Variants in SNX4 observed in about 807,000 individuals in gnomAD.
SNX4 encodes the protein sorting nexin 4.
In SNX4, 49 loss-of-function variants were observed where a neutral mutation model predicts 70.8. The ratio of observed to expected loss-of-function variants is 0.69; its 90% confidence interval spans 0.55 to 0.88. SNX4 has a LOEUF of 0.88. SNX4 is among the 40% of genes least tolerant of loss of function. The pLI is 0.00. For missense variants in SNX4, 528 were observed against 544.8 expected (o/e 0.97, Z 0.31); for synonymous variants, 206 against 183.8 (o/e 1.12, Z -0.98).
At chr3:125,459,134 A>G (rs1367815181) in intron 10 of SNX4, among the ~76,000 whole-genome samples, 1 of 152,194 alleles carries the variant, frequency 6.6e-6, no homozygotes, top group Non-Finnish European at 1.5e-5. Context: ...AGATTGTGCC[A>G]CTGTACTCCA....
intron 2 of SNX4, among the ~76,000 whole-genome samples, chr3:125,503,714 A>C (rs1934980587): frequency 6.6e-6 from 1 of 152,166 alleles, no homozygotes; most frequent in Non-Finnish European, 1.5e-5. Flanking sequence ...ATTCTTTTAC[A>C]GAATTGCACA....
intron 1 of SNX4, among the ~76,000 whole-genome samples, chr3:125,512,303 T>C (rs1054874268): frequency 6.6e-6 from 1 of 152,218 alleles, no homozygotes; most frequent in Non-Finnish European, 1.5e-5. Flanking sequence ...TGAAAGCACA[T>C]TCTGATAAAG....
chr3:125,516,528 C>T (rs78492240), intron 1 of SNX4, among the ~76,000 whole-genome samples: 3,819 of 152,252 alleles, frequency 0.025, 161 homozygotes, highest in African/African-American at 0.087. Context: ...ATTACTCTCC[C>T]TCTTAAAATC....
At chr3:125,454,207 G>A (rs1933651611) in intron 11 of SNX4, among the ~76,000 whole-genome samples, 1 of 152,172 alleles carries the variant, frequency 6.6e-6, no homozygotes, top group Admixed American at 6.5e-5. Flanking sequence ...TTTAAAGCAG[G>A]GGGTCCCCAA....
At chr3:125,482,706 TCA>T (rs1421555957) in intron 6 of SNX4, among the ~76,000 whole-genome samples, 2 of 152,110 alleles carry the variant, frequency 1.3e-5, no homozygotes, top group Non-Finnish European at 2.9e-5. Flanking sequence ...AAAAAACTTT[TCA>T]CAGTCCCCAA....
chr3:125,501,127 G>A (rs770608746), intron 2 of SNX4, among the ~76,000 whole-genome samples: 19 of 152,066 alleles, frequency 1.2e-4, no homozygotes, highest in Non-Finnish European at 2.4e-4. Context: ...TGATGATTGC[G>A]GTTGATGAAG....
chr3:125,452,997 A>G (rs1933616481), intron 12 of SNX4, among the ~76,000 whole-genome samples: 1 of 152,212 alleles, frequency 6.6e-6, no homozygotes, highest in South Asian at 2.1e-4. Flanking sequence ...CTCAAAACCC[A>G]AAATACACTC....
At chr3:125,501,510 C>T (rs950761467) in intron 2 of SNX4, among the ~76,000 whole-genome samples, 5 of 151,838 alleles carry the variant, frequency 3.3e-5, no homozygotes, top group African/African-American at 1.2e-4. Context: ...ATCCCAGCTA[C>T]TTGGGAAGCT....
At chr3:125,512,966 G>A (rs1385014641) in intron 1 of SNX4, among the ~76,000 whole-genome samples, 2 of 152,100 alleles carry the variant, frequency 1.3e-5, no homozygotes, top group East Asian at 3.9e-4. Context: ...ATGGGGTTTC[G>A]CCATGATGGC....
intron 4 of SNX4, 121 bp downstream of exon 4, chr3:125,497,713 A>G (rs1934827716): frequency 1.4e-6 from 1 of 700,748 alleles, no homozygotes; most frequent in East Asian, 2.9e-5. Flanking sequence ...TTAGAAATTC[A>G]TAACAAAAAA....
In SNX4 at chr3:125,453,905, T is replaced by C; in HGVS notation, c.1095A>G (p.Gln365=). The change falls in exon 12 of 14, where the codon CAA becomes CAG. Residue 365 remains glutamine (Q), a synonymous_variant. Coordinates refer to ENST00000251775, the MANE Select transcript of SNX4 (RefSeq NM_003794.4). The part of the protein sequence containing the change: ...LKGMTTKLFG[Q]ETPEQREARI... ...TGGCTTCTCTCTGCTCTGGAGTTTC[T>C]TGACCAAAGAGCTTGGTAGTCATTC... 2 of 1,614,078 alleles carry C rather than the reference T, an allele frequency of 1.2e-6. No individual in the cohort carries two copies. The highest frequency in any genetic ancestry group is 1.7e-6 in the Non-Finnish European group (2 of 1,179,970).
chr3:125,476,719 T>A lies in SNX4; in HGVS notation c.764A>T (p.His255Leu). The change falls in exon 8 of 14, where the codon CAT becomes CTT. Residue 255 changes from histidine to leucine, a missense_variant. This residue lies in a region of SNX4 where 341 missense variants were observed against 312.2 expected (regional missense o/e 1.09). Coordinates refer to ENST00000251775, the MANE Select transcript of SNX4 (RefSeq NM_003794.4). ...CCTGAAAACTCGACCATAATTCCCA[T>A]GTACTTTATATACACCATAGAGTCG... is the stretch of plus-strand genomic sequence containing the variant. ...ADRLYGVYKVHGNYGRVFSEW... is the reference protein window; with the variant it reads ...ADRLYGVYKVLGNYGRVFSEW... The A allele has an allele frequency of 6.3e-7, 1 of 1,598,384 alleles. No homozygotes were observed. The highest frequency in any genetic ancestry group is 1.7e-5 in the Admixed American group (1 of 59,070).
At chr3:125,497,077 A>G (rs1443613483) in intron 5 of SNX4, among the ~76,000 whole-genome samples, 1 of 142,828 alleles carries the variant, frequency 7.0e-6, no homozygotes, top group African/African-American at 2.9e-5. Flanking sequence ...ATAAACACTA[A>G]CTAAAAAAAA....
intron 1 of SNX4, among the ~76,000 whole-genome samples, chr3:125,507,705 A>C (rs750839567): frequency 3.9e-5 from 6 of 152,214 alleles, no homozygotes; most frequent in Non-Finnish European, 5.9e-5. Context: ...GCCAGAAGAC[A>C]GGGAGCTGAT....
chr3:125,457,358 A>C lies in SNX4; in HGVS notation c.952T>G (p.Cys318Gly). 1 of 1,612,396 alleles carries C rather than the reference A, an allele frequency of 6.2e-7. No homozygotes were observed. Among genetic ancestry groups the C allele is most frequent in the Non-Finnish European group, 8.5e-7 (1 of 1,178,472 alleles). The change falls in exon 11 of 14, where the codon TGC becomes GGC. Residue 318 changes from cysteine to glycine, a missense_variant. Coordinates refer to ENST00000251775, the MANE Select transcript of SNX4 (RefSeq NM_003794.4). ...TACTGCATAAGTTCATGTTTCCTGC[A>C]CACAGCCCTACAGATGAAAAAATGT... Reference protein sequence around the residue: ...LFYAEALRAVCRKHELMQYDL... With the variant: ...LFYAEALRAVGRKHELMQYDL...
At position 125,469,463 on chromosome 3, in the gene SNX4, T is replaced by C; in HGVS notation, c.845A>G (p.His282Arg). The C allele has an allele frequency of 1.9e-6, 3 of 1,612,968 alleles. No individual in the cohort carries two copies. The highest frequency in any genetic ancestry group is 1.7e-6 in the Non-Finnish European group (2 of 1,178,976). The change falls in exon 9 of 14, where the codon CAT (histidine) becomes CGT (arginine). Residue 282 changes from histidine (H) to arginine (R), a missense_variant. Coordinates refer to ENST00000251775, the MANE Select transcript of SNX4 (RefSeq NM_003794.4). ...MGDGLQSAGH[H>R]MDVYASSIDD... ...TTCTCGAGGTACTTACACATCCATA[T>C]GATGACCAGCACTCTGCAGTCCATC...
intron 9 of SNX4, among the ~76,000 whole-genome samples, chr3:125,465,224 T>A (rs1272617096): frequency 6.6e-6 from 1 of 151,842 alleles, no homozygotes; most frequent in Admixed American, 6.6e-5. Flanking sequence ...CTTCATAACT[T>A]AGCTTTATAG....
Position 125,497,354 on chromosome 3 carries a change from C to A in SNX4, c.584G>T (p.Gly195Val), listed in dbSNP as rs748317255. The A allele has an allele frequency of 9.9e-6, 16 of 1,608,340 alleles. No homozygotes were observed. Among genetic ancestry groups the A allele is most frequent in the Non-Finnish European group, 1.2e-5 (14 of 1,175,688 alleles). ...AAATATTCTTACCTTCAGCTGAAAC[C>A]CAGTTTCATTCACAGTCTCCTTCCA... ...GNWKETVNETGFQLKADSRLK... is the reference protein window; with the variant it reads ...GNWKETVNETVFQLKADSRLK... Residue 195 changes from glycine to valine, a missense_variant, in exon 5 of 14, where the codon GGG becomes GTG. Transcript: ENST00000251775.
At position 125,480,439 on chromosome 3, in the gene SNX4, C is replaced by T. The variant is rs78061872; in HGVS notation, c.654-120G>A. On this transcript the variant is annotated intron_variant, in intron 6 of 13. Transcript: ENST00000251775. ...CTGATTCTATTTAACCATATGCTGG[C>T]CTTAAACATTTACACACCAATATAA... is the stretch of plus-strand genomic sequence containing the variant. The T allele has an allele frequency of 4.1e-3, 1,738 of 423,766 alleles. 6 individuals are homozygous for T. The highest frequency in any genetic ancestry group is 6.3e-3 in the Non-Finnish European group (1,503 of 238,730). 26.3% of individuals were successfully genotyped at this position (423,766 alleles called of 1,614,324 possible).
Sources: allele counts gnomAD v4.1 joint callset (sites outside exome capture counted in the v4.1 genomes callset), GRCh38; gene constraint gnomAD v4.1.1; regional missense constraint gnomAD v4.1.1; transcripts MANE v1.5; gene names NCBI Gene and HGNC (gene_info 2026-07-23, HGNC 2026-07-21).